Variants in TOR1AIP2 observed in about 807,000 individuals in gnomAD.
TOR1AIP2 encodes torsin 1A interacting protein 2.
TOR1AIP2 carries 20 observed loss-of-function variants against 32.6 expected under a neutral mutation model. The ratio of observed to expected loss-of-function variants is 0.61; its 90% CI spans 0.43 to 0.89. The LOEUF (loss-of-function observed/expected upper bound fraction) is 0.89. TOR1AIP2 is among the 40% of genes least tolerant of loss of function. TOR1AIP2 has a pLI of 0.00. For synonymous variants in TOR1AIP2, 214 were observed against 210.8 expected, an observed-to-expected ratio of 1.02 and a Z score of -0.13; for missense variants, 456 against 553.8, an observed-to-expected ratio of 0.82 and a Z score of 1.77.
chr1:179,865,738 A>T lies in TOR1AIP2; in HGVS notation c.-449T>A, dbSNP rs1304653853. 3 of 152,848 alleles carry T rather than the reference A, an allele frequency of 2.0e-5. No individual in the cohort carries two copies. The East Asian group carries it at 5.8e-4, about 29-fold the overall frequency. The allele number at this position is 152,848 out of a possible 1,614,324, so 9.5% of individuals were successfully genotyped here. Reference sequence around the variant, plus strand: ...TAGAGGGGTCAGAAAAACCTGGCAGAGTCCTCTTGATCGTGGATCCAATGA... The same window carrying T: ...TAGAGGGGTCAGAAAAACCTGGCAGTGTCCTCTTGATCGTGGATCCAATGA... On this transcript the variant is annotated 5_prime_UTR_variant, in exon 3 of 7. Transcript: ENST00000609928.
At chr1:179,853,962 A>G (rs1696206209) in intron 3 of TOR1AIP2, among the ~76,000 whole-genome samples, 3 of 152,186 alleles carry the variant, frequency 2.0e-5, no homozygotes, top group African/African-American at 7.2e-5. Flanking sequence ...TCAAGCCATC[A>G]TATGTTGGAA....
At chr1:179,876,642 C>CAA (rs11463245) in intron 2 of TOR1AIP2, among the ~76,000 whole-genome samples, 7 of 145,586 alleles carry the variant, frequency 4.8e-5, no homozygotes, top group African/African-American at 7.6e-5. Flanking sequence ...ATCTTGTGCT[C>CAA]AAAAAAAAAA....
chr1:179,859,191 A>AT, intron 3 of TOR1AIP2: 1 of 984,052 alleles, frequency 1.0e-6, no homozygotes, highest in Non-Finnish European at 1.2e-6. Flanking sequence ...TACAACAACT[A>AT]TAAGAACTAC....
chr1:179,856,958 A>G (rs1328313573), intron 3 of TOR1AIP2, among the ~76,000 whole-genome samples: 1 of 152,198 alleles, frequency 6.6e-6, no homozygotes, highest in Non-Finnish European at 1.5e-5. Flanking sequence ...CTATCAGGGT[A>G]TGTGTTCATT....
chr1:179,847,713 A>G, intron 5 of TOR1AIP2, 77 bp from the exon 6 acceptor site: 1 of 997,528 alleles, frequency 1.0e-6, no homozygotes, highest in South Asian at 1.3e-5. Flanking sequence ...TCTCTCACCA[A>G]ACCAAAGAAT....
In TOR1AIP2 at chr1:179,841,712, T is replaced by G. The variant is rs1272807873; in HGVS notation, c.*4359A>C. On this transcript the variant is annotated 3_prime_UTR_variant, in exon 7 of 7. Transcript: ENST00000609928. Reference sequence around the variant, plus strand: ...ATTACCCTAATCAGCTATTATTTATTATTTTCTATTTAACATTCATTTTTG... The same window carrying G: ...ATTACCCTAATCAGCTATTATTTATGATTTTCTATTTAACATTCATTTTTG... 2 of 152,376 alleles carry G rather than the reference T, an allele frequency of 1.3e-5. No homozygotes were observed. The highest frequency in any genetic ancestry group is 3.8e-4 in the East Asian group (2 of 5,196). 9.4% of individuals were successfully genotyped at this position (152,376 alleles called of 1,614,324 possible).
At chr1:179,860,179 GC>G in intron 3 of TOR1AIP2, 1 of 985,304 alleles carries the variant, frequency 1.0e-6, no homozygotes, top group South Asian at 4.7e-5. Flanking sequence ...CAAACAATTG[GC>G]TTAGTTCTAA....
At chr1:179,859,615 T>C (rs984184100) in intron 3 of TOR1AIP2, 47 of 985,330 alleles carry the variant, frequency 4.8e-5, no homozygotes, top group Admixed American at 3.1e-4. Context: ...TTCAGTGTTG[T>C]GGAAAGTCTC....
intron 2 of TOR1AIP2, chr1:179,876,258 T>C (rs918238921): frequency 1.3e-5 from 2 of 152,202 alleles, no homozygotes; most frequent in East Asian, 3.8e-4. Flanking sequence ...ATAAGTTATA[T>C]ACAAGATACA....
chr1:179,860,642 G>A (rs567298653), intron 3 of TOR1AIP2: 2 of 982,168 alleles, frequency 2.0e-6, no homozygotes, highest in Non-Finnish European at 1.2e-6. Flanking sequence ...TATGAGGTAG[G>A]TATTATTACA....
intron 2 of TOR1AIP2, among the ~76,000 whole-genome samples, chr1:179,866,414 G>GTT (rs112251036): frequency 1.3e-5 from 2 of 150,888 alleles, no homozygotes; most frequent in Non-Finnish European, 3.0e-5. Context: ...ATTCTTGTTT[G>GTT]TTTTTTTTTC....
intron 2 of TOR1AIP2, among the ~76,000 whole-genome samples, chr1:179,871,615 C>T (rs564050760): frequency 9.9e-5 from 15 of 152,192 alleles, no homozygotes; most frequent in Non-Finnish European, 1.2e-4. Context: ...ATCCCTTAGA[C>T]TTCAGCCTCA....
rs375416284 is a variant in TOR1AIP2, at chr1:179,840,153, G to C, written c.*5918C>G. 7 of 152,358 alleles carry C rather than the reference G, an allele frequency of 4.6e-5. No homozygotes were observed. In the East Asian group the frequency reaches 1.3e-3, roughly 29 times the overall value. 9.4% of individuals were successfully genotyped at this position (152,358 alleles called of 1,614,324 possible). ...TTTGTTAAGCACAAATAAGCAAAAT[G>C]CAATTGAGTTTGAAAGTCAGTGTGC... On this transcript the variant is annotated 3_prime_UTR_variant, in exon 7 of 7. Coordinates refer to ENST00000609928, the MANE Select transcript of TOR1AIP2 (RefSeq NM_001199260.2).
rs574206636 is a variant in TOR1AIP2 at position 179,876,769 on chromosome 1, T to C, written c.-566+470A>G. On this transcript the variant is annotated intron_variant, in intron 2 of 6. Coordinates refer to ENST00000609928, the MANE Select transcript of TOR1AIP2 (RefSeq NM_001199260.2). Reference sequence around the variant, plus strand: ...GGTAAAACAAAGCCAGTATGTTTAATCTATGTAACTCATTTCTGGATCTGT... The same window carrying C: ...GGTAAAACAAAGCCAGTATGTTTAACCTATGTAACTCATTTCTGGATCTGT... Among the ~76,000 whole-genome samples, 64 of 152,348 alleles carry C rather than the reference T, an allele frequency of 4.2e-4. 1 individual carries two copies. Among genetic ancestry groups the C allele is most frequent in the Admixed American group, 4.1e-3 (62 of 15,300 alleles).
intron 3 of TOR1AIP2, chr1:179,861,160 T>C: frequency 3.0e-6 from 3 of 985,460 alleles, no homozygotes; most frequent in Non-Finnish European, 3.6e-6. Flanking sequence ...TTACCAACTC[T>C]TCCACACTAT....
intron 3 of TOR1AIP2, chr1:179,865,149 C>T: frequency 6.2e-7 from 1 of 1,611,154 alleles, no homozygotes; most frequent in South Asian, 1.1e-5. Flanking sequence ...TGTCCACAAT[C>T]AGGGCAATGT....
At position 179,846,608 on chromosome 1, in the gene TOR1AIP2, C is replaced by T. The variant is rs148354487; in HGVS notation, c.876G>A (p.Glu292=). 21 of 1,613,998 alleles carry T rather than the reference C, an allele frequency of 1.3e-5. No individual in the cohort carries two copies. Among genetic ancestry groups the T allele is most frequent in the Non-Finnish European group, 1.7e-5 (20 of 1,180,014 alleles). ...CTGCTGTAAATATGATGGTGGCTGG[C>T]TCAGTGGGGTTGGAAGCATTGAGGT... ...QKHLNASNPT[E]PATIIFTAAR... Residue 292 remains glutamate (E), a synonymous_variant, in exon 7 of 7, where the codon GAG becomes GAA. Transcript: ENST00000609928.
intron 4 of TOR1AIP2, among the ~76,000 whole-genome samples, chr1:179,852,154 C>A (rs189526711): frequency 5.3e-5 from 8 of 152,074 alleles, no homozygotes; most frequent in Admixed American, 5.2e-4. Flanking sequence ...GTGGCAGGCG[C>A]CTGTAATCTC....
chr1:179,847,236 C>T (rs975808889), intron 6 of TOR1AIP2, among the ~76,000 whole-genome samples: 3 of 152,046 alleles, frequency 2.0e-5, no homozygotes, highest in African/African-American at 7.2e-5. Context: ...CTTTAAAGTG[C>T]ACTTGAAAAA....
Sources: allele counts gnomAD v4.1 joint callset (sites outside exome capture counted in the v4.1 genomes callset), GRCh38; gene constraint gnomAD v4.1.1; transcripts MANE v1.5; gene names NCBI Gene and HGNC (gene_info 2026-07-23, HGNC 2026-07-21).